The following SEPTIN5 variants were observed in gnomAD, a reference collection of about 807,000 sequenced individuals.
SEPTIN5 encodes the protein septin 5.
A neutral mutation model predicts 51.2 loss-of-function variants in SEPTIN5; 16 were observed. That is an observed-to-expected ratio of 0.31 (90% CI 0.21 to 0.47). The LOEUF is 0.47. SEPTIN5 is among the 20% of genes least tolerant of loss of function. The pLI is 0.99. For synonymous variants in SEPTIN5, 208 were observed against 191.2 expected (o/e 1.09, Z -0.72); for missense variants, 376 against 500.3 (o/e 0.75, Z 2.37).
In SEPTIN5 at chr22:19,720,851, G is replaced by A. The variant is rs190141511; in HGVS notation, c.699G>A (p.Gln233=). 6.2e-7 allele frequency: 1 copy of A among 1,613,708 alleles called. No individual in the cohort carries two copies. Among genetic ancestry groups the A allele is most frequent in the East Asian group, 2.2e-5 (1 of 44,886 alleles). ...CDSDEDEDFK[Q]QDRELKESAP... Reference sequence around the variant, plus strand: ...CGGACGAGGATGAGGACTTCAAGCAGCAGGACCGGGAACTGAAGGTGAACA... The same window carrying A: ...CGGACGAGGATGAGGACTTCAAGCAACAGGACCGGGAACTGAAGGTGAACA... Residue 233 remains glutamine, a synonymous_variant, in exon 8 of 12, where the codon CAG becomes CAA. Transcript: ENST00000455784.
rs142143618 is a variant in SEPTIN5, at chr22:19,719,661, G to A, written c.114G>A (p.Ser38=). Residue 38 remains serine, a synonymous_variant, in exon 3 of 12, where the codon TCG becomes TCA. Transcript: ENST00000455784. ...TGCCCAACCAGGTGCACCGCAAGTC[G>A]GTGAAGAAAGGCTTTGACTTCACAC... The part of the protein sequence containing the change: ...ATLPNQVHRK[S]VKKGFDFTLM... 440 of 1,612,888 alleles carry A rather than the reference G, an allele frequency of 2.7e-4. No individual in the cohort carries two copies. The highest frequency in any genetic ancestry group is 8.2e-4 in the Middle Eastern group (5 of 6,084).
chr22:19,714,858 C>CCTTGGG lies in SEPTIN5; in HGVS notation c.54+69_54+74dup. The CCTTGGG allele has an allele frequency of 6.4e-7, 1 of 1,553,190 alleles. No individual in the cohort carries two copies. The highest frequency in any genetic ancestry group is 8.7e-7 in the Non-Finnish European group (1 of 1,152,370). ...GCTGTCACCCATTGTGACACTAGCG[C>CCTTGGG]CTTGGGCGCCCAGGCGCGACCCCGC... is the stretch of plus-strand genomic sequence containing the variant. On this transcript the variant is annotated intron_variant, in intron 2 of 11. Coordinates refer to ENST00000455784, the MANE Select transcript of SEPTIN5 (RefSeq NM_002688.6). This position sits in a 1 kb window ranked among gnomAD's most constrained non-coding sequence, Gnocchi z 5.2.
chr22:19,721,807 AC>A lies in SEPTIN5; in HGVS notation c.815-10del. 1.1e-6 allele frequency: 1 copy of A among 895,468 alleles called. No individual in the cohort carries two copies. Among genetic ancestry groups the A allele is most frequent in the Non-Finnish European group, 1.7e-6 (1 of 596,164 alleles). The allele number at this position is 895,468 out of a possible 1,614,324, so 55.5% of individuals were successfully genotyped here. A position where few individuals can be genotyped will look rare whatever the true frequency, so the allele number is the denominator to read the frequency against. ...CTGGGCCGGCGCCAGCCCACTACCC[AC>A]CCCCACCCCGCAGTGGAGAACCAGG... is the stretch of plus-strand genomic sequence containing the variant. On this transcript the variant is annotated splice_polypyrimidine_tract_variant and intron_variant, in intron 9 of 11. Coordinates refer to ENST00000455784, the MANE Select transcript of SEPTIN5 (RefSeq NM_002688.6).
In SEPTIN5 at chr22:19,719,647, G is replaced by T. The variant is rs746491377; in HGVS notation, c.100G>T (p.Val34Leu). 1.2e-6 allele frequency: 2 copies of T among 1,613,070 alleles called. No homozygotes were observed. Among genetic ancestry groups the T allele is most frequent in the East Asian group, 2.2e-5 (1 of 44,880 alleles). The change falls in exon 3 of 12, where the codon GTG (valine) becomes TTG (leucine). Residue 34 changes from valine (V) to leucine (L), a missense_variant. This residue lies in a region of SEPTIN5 where 287 missense variants were observed against 417.1 expected (regional missense o/e 0.69). Coordinates refer to ENST00000455784, the MANE Select transcript of SEPTIN5 (RefSeq NM_002688.6). ...YVGFATLPNQ[V>L]HRKSVKKGFD... ...GGGCTTCGCCACACTGCCCAACCAG[G>T]TGCACCGCAAGTCGGTGAAGAAAGG...
rs759869575 is a variant in SEPTIN5 at position 19,720,137 on chromosome 22, G to C, written c.261G>C (p.Glu87Asp). The stretch of plus-strand genomic sequence containing the variant: ...TAGAGCGCATCAGCCAGACGGTAGA[G>C]ATTCTAAAACACACGGTGGACATTG... ...SAEERISQTV[E>D]ILKHTVDIEE... Residue 87 changes from glutamate to aspartate, a missense_variant, in exon 5 of 12, where the codon GAG (glutamate) becomes GAC (aspartate). This residue lies in a region of SEPTIN5 where 287 missense variants were observed against 417.1 expected (regional missense o/e 0.69). Coordinates refer to ENST00000455784, the MANE Select transcript of SEPTIN5 (RefSeq NM_002688.6). The C allele has an allele frequency of 6.2e-6, 10 of 1,613,182 alleles. No individual in the cohort carries two copies. In the East Asian group the frequency reaches 2.2e-4, roughly 36 times the overall value.
intron 2 of SEPTIN5, chr22:19,718,943 G>A (rs1307665509): frequency 9.8e-7 from 1 of 1,020,504 alleles, no homozygotes; most frequent in South Asian, 5.1e-5. Flanking sequence ...CCTCCGCAGC[G>A]GCCTCGCAGG....
At chr22:19,718,860 C>T in intron 2 of SEPTIN5, 1 of 1,231,176 alleles carries the variant, frequency 8.1e-7, no homozygotes, top group Non-Finnish European at 1.0e-6. Flanking sequence ...TGTGACCCCG[C>T]GGGCTCCGGG....
rs554681159 is a variant in SEPTIN5 at position 19,720,842 on chromosome 22, C to T, written c.690C>T (p.Asp230=). Reference sequence around the variant, plus strand: ...AGTGTGACTCGGACGAGGATGAGGACTTCAAGCAGCAGGACCGGGAACTGA... The same window carrying T: ...AGTGTGACTCGGACGAGGATGAGGATTTCAAGCAGCAGGACCGGGAACTGA... ...FPECDSDEDE[D]FKQQDRELKE... Residue 230 remains aspartate (D), a synonymous_variant, in exon 8 of 12, where the codon GAC becomes GAT. Coordinates refer to ENST00000455784, the MANE Select transcript of SEPTIN5 (RefSeq NM_002688.6). The T allele has an allele frequency of 3.0e-5, 48 of 1,613,754 alleles. 1 individual carries two copies. The South Asian group carries it at 4.8e-4, about 16-fold the overall frequency.
chr22:19,719,473 T>C, intron 2 of SEPTIN5, 129 bp from the exon 3 acceptor site: 2 of 722,898 alleles, frequency 2.8e-6, no homozygotes, highest in Non-Finnish European at 4.5e-6. Context: ...CCCTTATTTT[T>C]GCCAACGAAA....
At chr22:19,721,107 C>A (rs1411157836) in intron 8 of SEPTIN5, among the ~76,000 whole-genome samples, 1 of 152,176 alleles carries the variant, frequency 6.6e-6, no homozygotes, top group Non-Finnish European at 1.5e-5. Flanking sequence ...TGGTGCTTGG[C>A]AGGTATGGAG....
chr22:19,720,581 C>A lies in SEPTIN5; in HGVS notation c.530C>A (p.Ala177Glu), dbSNP rs1388831685. 2 of 1,613,036 alleles carry A rather than the reference C, an allele frequency of 1.2e-6. No homozygotes were observed. The highest frequency in any genetic ancestry group is 1.7e-6 in the Non-Finnish European group (2 of 1,180,014). ...CCAGTGGATGTGGGTTTCATGAAGG[C>A]ATTGCATGAGAAGGTCAACATCGTG... ...LRPVDVGFMK[A>E]LHEKVNIVPL... The change falls in exon 7 of 12, where the codon GCA (alanine) becomes GAA (glutamate). Residue 177 changes from alanine (A) to glutamate (E), a missense_variant. Ala to Glu is a moderately radical substitution (Grantham distance 107). This residue lies in a region of SEPTIN5 where 287 missense variants were observed against 417.1 expected (regional missense o/e 0.69). Coordinates refer to ENST00000455784, the MANE Select transcript of SEPTIN5 (RefSeq NM_002688.6).
At position 19,714,778 on chromosome 22, in the gene SEPTIN5, C is replaced by G; in HGVS notation, c.44-3C>G. Reference sequence around the variant, plus strand: ...GGACTCGACCCCGACCCCGACCCCGCAGAGGACAAGCAGGTACGTGCGCAG... The same window carrying G: ...GGACTCGACCCCGACCCCGACCCCGGAGAGGACAAGCAGGTACGTGCGCAG... On this transcript the variant is annotated splice_polypyrimidine_tract_variant and splice_region_variant and intron_variant, in intron 1 of 11. Transcript: ENST00000455784. The surrounding 1 kb of genome is among the most constrained non-coding windows in gnomAD (Gnocchi z 5.2). The G allele has an allele frequency of 1.3e-6, 2 of 1,595,456 alleles. No individual in the cohort carries two copies. The highest frequency in any genetic ancestry group is 1.7e-6 in the Non-Finnish European group (2 of 1,176,756).
In SEPTIN5 at chr22:19,714,630, A is replaced by C. The variant is rs1406451354; in HGVS notation, c.42A>C (p.Pro14=). The change falls in exon 1 of 12, where the codon CCA becomes CCC. Residue 14 remains proline, a splice_region_variant and synonymous_variant. Transcript: ENST00000455784. The surrounding 1 kb of genome is among the most constrained non-coding windows in gnomAD (Gnocchi z 5.2). ...GGTACAAGAGCAAGCTGGCGACCCCAGGTGAGCCCAGCGCCTGCCCGCGTG... is the reference window on the plus strand; with the variant it reads ...GGTACAAGAGCAAGCTGGCGACCCCCGGTGAGCCCAGCGCCTGCCCGCGTG... ...GLRYKSKLAT[P]EDKQDIDKQY... is the part of the protein sequence containing the mutation. The C allele has an allele frequency of 3.3e-6, 5 of 1,500,668 alleles. No individual in the cohort carries two copies. The highest frequency in any genetic ancestry group is 2.1e-5 in the Admixed American group (1 of 48,020). 93.0% of individuals were successfully genotyped at this position (1,500,668 alleles called of 1,614,324 possible).
intron 2 of SEPTIN5, among the ~76,000 whole-genome samples, chr22:19,716,585 G>A (rs1935914293): frequency 6.6e-6 from 1 of 152,218 alleles, no homozygotes; most frequent in African/African-American, 2.4e-5. Flanking sequence ...GAAAGGGGGT[G>A]GCAGGTACGG....
chr22:19,722,898 G>A lies in SEPTIN5; in HGVS notation c.*414G>A, dbSNP rs1417080930. 2.2e-6 allele frequency: 1 copy of A among 446,540 alleles called. No individual in the cohort carries two copies. Among genetic ancestry groups the A allele is most frequent in the East Asian group, 4.0e-5 (1 of 25,038 alleles). 27.7% of individuals were successfully genotyped at this position (446,540 alleles called of 1,614,324 possible). A position where few individuals can be genotyped will look rare whatever the true frequency, so the allele number is the denominator to read the frequency against. On this transcript the variant is annotated 3_prime_UTR_variant, in exon 12 of 12. Transcript: ENST00000455784. ...AGCCCTCCTTTGCCTGCTCCCGCGG[G>A]TCACCCAGCGAGTGCTGAGACCCCA...
chr22:19,714,564 C>T lies in SEPTIN5; in HGVS notation c.-25C>T. 7.2e-7 allele frequency: 1 copy of T among 1,398,148 alleles called. No homozygotes were observed. The highest frequency in any genetic ancestry group is 1.5e-5 in the South Asian group (1 of 66,430). The allele number at this position is 1,398,148 out of a possible 1,614,324, so 86.6% of individuals were successfully genotyped here. Reference sequence around the variant, plus strand: ...TCGCGCCCCGCCCGCGAGCCCGCCCCGCACGTCCCCCGCCGGCGGCCACCA... The same window carrying T: ...TCGCGCCCCGCCCGCGAGCCCGCCCTGCACGTCCCCCGCCGGCGGCCACCA... On this transcript the variant is annotated 5_prime_UTR_variant, in exon 1 of 12. Coordinates refer to ENST00000455784, the MANE Select transcript of SEPTIN5 (RefSeq NM_002688.6). This position sits in a 1 kb window ranked among gnomAD's most constrained non-coding sequence, Gnocchi z 5.2.
At position 19,720,110 on chromosome 22, in the gene SEPTIN5, C is replaced by G. The variant is rs755568148; in HGVS notation, c.239-5C>G. 5 of 1,612,966 alleles carry G rather than the reference C, an allele frequency of 3.1e-6. No individual in the cohort carries two copies. In the East Asian group the frequency reaches 6.7e-5, roughly 22 times the overall value. On this transcript the variant is annotated splice_region_variant and splice_polypyrimidine_tract_variant and intron_variant, in intron 4 of 11. Transcript: ENST00000455784. ...GAGGCCCTTCCAGTGGCCCCTTCCC[C>G]GTAGAGCGCATCAGCCAGACGGTAG...
Position 19,720,681 on chromosome 22 carries a change from G to A in SEPTIN5, c.615+15G>A, listed in dbSNP as rs372681337. ...TGAAGGAGCGGGTGAGCCTGCCGTCGCACAGGGGCCTGGCCAGGGCCCTGG... is the reference window on the plus strand; with the variant it reads ...TGAAGGAGCGGGTGAGCCTGCCGTCACACAGGGGCCTGGCCAGGGCCCTGG... On this transcript the variant is annotated intron_variant, in intron 7 of 11. Coordinates refer to ENST00000455784, the MANE Select transcript of SEPTIN5 (RefSeq NM_002688.6). 2.3e-5 allele frequency: 37 copies of A among 1,612,752 alleles called. No individual in the cohort carries two copies. The highest frequency in any genetic ancestry group is 3.3e-5 in the Admixed American group (2 of 60,030).
At chr22:19,715,376 A>G (rs1174480999) in intron 2 of SEPTIN5, among the ~76,000 whole-genome samples, 2 of 152,258 alleles carry the variant, frequency 1.3e-5, no homozygotes, top group Non-Finnish European at 2.9e-5. Flanking sequence ...GTGGGTACAA[A>G]TAGGCTTGTG....
Sources: allele counts gnomAD v4.1 joint callset (sites outside exome capture counted in the v4.1 genomes callset), GRCh38; gene constraint gnomAD v4.1.1; regional missense constraint gnomAD v4.1.1; non-coding constraint Gnocchi (gnomAD v3.1); transcripts MANE v1.5; gene names NCBI Gene and HGNC (gene_info 2026-07-23, HGNC 2026-07-21).